Variants in RIMS2 observed in about 807,000 individuals in gnomAD.
RIMS2 encodes the protein regulating synaptic membrane exocytosis protein 2.
Under a neutral mutation model 174.4 loss-of-function variants are expected in RIMS2, and 59 were observed. The observed-to-expected ratio is 0.34, with a 90% CI of 0.27 to 0.42. The LOEUF (loss-of-function observed/expected upper bound fraction) is 0.42, where lower values mean the gene tolerates loss of function less well. RIMS2 is among the 10% of genes least tolerant of loss of function. The pLI, the probability that RIMS2 is intolerant of heterozygous loss-of-function variation, is 1.00. For synonymous variants in RIMS2, 606 were observed against 572.5 expected (o/e 1.06, Z -0.84); for missense variants, 1,620 against 1,666.3 (o/e 0.97, Z 0.48).
intron 1 of RIMS2, among the ~76,000 whole-genome samples, chr8:103,687,889 ATT>A (rs34116428): frequency 5.3e-5 from 8 of 151,714 alleles, no homozygotes; most frequent in East Asian, 3.9e-4. Context: ...TATATACCGC[ATT>A]TTTTTTTATT....
intron 1 of RIMS2, among the ~76,000 whole-genome samples, chr8:103,572,367 T>C (rs2092890666): frequency 9.6e-6 from 1 of 104,532 alleles, no homozygotes; most frequent in South Asian, 2.4e-4. Flanking sequence ...ATTGGTCCAT[T>C]TTACAGAGCA....
At chr8:103,576,292 C>G (rs1307865685) in intron 1 of RIMS2, among the ~76,000 whole-genome samples, 1 of 152,142 alleles carries the variant, frequency 6.6e-6, no homozygotes, top group Non-Finnish European at 1.5e-5. Flanking sequence ...GCAGAAAAAA[C>G]AAACAACCAT....
At chr8:103,620,035 T>C (rs2095599771) in intron 1 of RIMS2, among the ~76,000 whole-genome samples, 1 of 152,126 alleles carries the variant, frequency 6.6e-6, no homozygotes, top group Non-Finnish European at 1.5e-5. Context: ...AAACTATTGC[T>C]CCTAAGCTCT....
At chr8:103,984,166 T>C (rs2094163775) in intron 16 of RIMS2, among the ~76,000 whole-genome samples, 1 of 150,708 alleles carries the variant, frequency 6.6e-6, no homozygotes, top group African/African-American at 2.4e-5. Context: ...AGAGCGAGAC[T>C]CCATCTCAGA....
At chr8:104,223,509 G>T in intron 19 of RIMS2, 1 of 1,402,352 alleles carries the variant, frequency 7.1e-7, no homozygotes, top group East Asian at 2.8e-5. Context: ...GCTGGGTCAG[G>T]GAGGCAGGGG....
At chr8:104,222,864 G>A (rs2099161739) in intron 19 of RIMS2, among the ~76,000 whole-genome samples, 1 of 152,186 alleles carries the variant, frequency 6.6e-6, no homozygotes, top group African/African-American at 2.4e-5. Flanking sequence ...GTGCTTTTCA[G>A]TGCTGGTGTT....
At chr8:104,153,483 T>TCAA (rs1261351491) in intron 19 of RIMS2, among the ~76,000 whole-genome samples, 1 of 152,164 alleles carries the variant, frequency 6.6e-6, no homozygotes, top group Non-Finnish European at 1.5e-5. Flanking sequence ...AGTAGCCAAT[T>TCAA]CAGCCTCATA....
intron 19 of RIMS2, among the ~76,000 whole-genome samples, chr8:104,200,373 A>G (rs961846154): frequency 8.5e-5 from 13 of 152,090 alleles, no homozygotes; most frequent in Admixed American, 8.5e-4. Flanking sequence ...TTCCTTAGAA[A>G]CTTATTTTAA....
At chr8:103,960,057 A>G (rs1387597758) in intron 14 of RIMS2, among the ~76,000 whole-genome samples, 1 of 152,226 alleles carries the variant, frequency 6.6e-6, no homozygotes, top group Non-Finnish European at 1.5e-5. Flanking sequence ...AAATCAATGA[A>G]TCCAGGAGCT....
intron 1 of RIMS2, among the ~76,000 whole-genome samples, chr8:103,527,345 T>A (rs1586821176): frequency 6.6e-6 from 1 of 152,242 alleles, no homozygotes; most frequent in East Asian, 1.9e-4. Context: ...TTGCATAGTA[T>A]TTGCATATAG....
chr8:103,826,948 T>G (rs532043070), intron 3 of RIMS2, among the ~76,000 whole-genome samples: 1 of 152,062 alleles, frequency 6.6e-6, no homozygotes, highest in Non-Finnish European at 1.5e-5. Flanking sequence ...AGCACTGGGA[T>G]TACAGGCATG....
intron 2 of RIMS2, among the ~76,000 whole-genome samples, chr8:103,736,495 A>G (rs186626244): frequency 6.6e-6 from 1 of 152,334 alleles, no homozygotes; most frequent in East Asian, 1.9e-4. Flanking sequence ...ACCCAAGTGA[A>G]GGGACACAAA....
intron 4 of RIMS2, among the ~76,000 whole-genome samples, chr8:103,900,311 C>T (rs999235582): frequency 6.6e-6 from 1 of 151,646 alleles, no homozygotes; most frequent in African/African-American, 2.4e-5. Context: ...ACAGTCTCCA[C>T]CTCCTGGGTT....
At chr8:103,943,343 A>G (rs2082981681) in intron 14 of RIMS2, among the ~76,000 whole-genome samples, 1 of 152,228 alleles carries the variant, frequency 6.6e-6, no homozygotes, top group Admixed American at 6.5e-5. Context: ...AGTATACTAT[A>G]GTGGTTGAAA....
chr8:103,701,250 A>G (rs10100599), intron 2 of RIMS2, among the ~76,000 whole-genome samples: 26,878 of 152,008 alleles, frequency 0.18, 2,582 homozygotes, highest in African/African-American at 0.24. Context: ...ATTCTTGGTT[A>G]ACACTTTTTG....
intron 1 of RIMS2, among the ~76,000 whole-genome samples, chr8:103,595,861 C>T (rs1265404471): frequency 6.6e-6 from 1 of 152,076 alleles, no homozygotes; most frequent in East Asian, 1.9e-4. Flanking sequence ...CAGAAAACCT[C>T]TTCCATCTTT....
At chr8:103,953,496 A>G (rs970827621) in intron 14 of RIMS2, among the ~76,000 whole-genome samples, 5 of 152,220 alleles carry the variant, frequency 3.3e-5, no homozygotes, top group Admixed American at 2.6e-4. Context: ...ATATCCAGCC[A>G]AACTAAGCTT....
chr8:103,771,591 G>C (rs2098254222), intron 3 of RIMS2, among the ~76,000 whole-genome samples: 1 of 152,044 alleles, frequency 6.6e-6, no homozygotes, highest in Non-Finnish European at 1.5e-5. Flanking sequence ...TCCCCATAGT[G>C]TCATCATTTC....
intron 2 of RIMS2, among the ~76,000 whole-genome samples, chr8:103,703,751 G>A (rs1249248380): frequency 6.6e-6 from 1 of 151,672 alleles, no homozygotes; most frequent in East Asian, 1.9e-4. Context: ...TATTTTTGTA[G>A]CTACTATAAA....
Sources: gnomAD v4.1 joint callset for allele counts (sites outside exome capture counted in the v4.1 genomes callset) on GRCh38, gnomAD v4.1.1 for gene constraint, MANE v1.5 for transcripts, NCBI Gene and HGNC (gene_info 2026-07-23, HGNC 2026-07-21) for gene names.